The following CTNND2 variants were observed in gnomAD, a reference collection of about 807,000 sequenced individuals.
The protein encoded by CTNND2 is catenin delta 2.
CTNND2 carries 22 observed loss-of-function variants against 144.4 expected under a neutral mutation model. The ratio of observed to expected loss-of-function variants is 0.15; its 90% CI spans 0.11 to 0.22. CTNND2 has a LOEUF of 0.22. CTNND2 is among the 10% of genes least tolerant of loss of function. CTNND2 has a pLI of 1.00. For missense variants in CTNND2, 1,353 were observed against 1,618.8 expected (o/e 0.84, Z 2.82); for synonymous variants, 751 against 695.6 (o/e 1.08, Z -1.25).
At chr5:11,483,595 G>A (rs1021896087) in intron 3 of CTNND2, among the ~76,000 whole-genome samples, 4 of 152,168 alleles carry the variant, frequency 2.6e-5, no homozygotes, top group Admixed American at 2.0e-4. Flanking sequence ...TACACTGGCC[G>A]CCAATCTCTT....
At position 11,310,815 on chromosome 5, in the gene CTNND2, C is replaced by A. The variant is rs192282129; in HGVS notation, c.1628+35557G>T. Among the ~76,000 whole-genome samples the A allele has an allele frequency of 1.2e-3, 176 of 150,184 alleles. 1 individual carries two copies. The highest frequency in any genetic ancestry group is 3.7e-3 in the African/African-American group (153 of 40,974). On this transcript the variant is annotated intron_variant, in intron 9 of 21. Coordinates refer to ENST00000304623, the MANE Select transcript of CTNND2 (RefSeq NM_001332.4). ...TCCCCATACACCCTCACCCCACATG[C>A]ACTCACAGTCCCATGTGCCCTTAAC...
chr5:11,663,784 CAAT>C (rs1302403933), intron 2 of CTNND2, among the ~76,000 whole-genome samples: 1 of 151,884 alleles, frequency 6.6e-6, no homozygotes, highest in Admixed American at 6.6e-5. Context: ...AAAATAAGTA[CAAT>C]AAGGTGTTTG....
intron 3 of CTNND2, among the ~76,000 whole-genome samples, chr5:11,413,590 C>T (rs1761707968): frequency 1.3e-5 from 2 of 152,170 alleles, no homozygotes; most frequent in African/African-American, 4.8e-5. Flanking sequence ...GTCAGAATCA[C>T]CTGTAGCATT....
intron 7 of CTNND2, among the ~76,000 whole-genome samples, chr5:11,375,530 T>G (rs1032623389): frequency 6.6e-6 from 1 of 152,218 alleles, no homozygotes; most frequent in Non-Finnish European, 1.5e-5. Flanking sequence ...AAAGCTTTAA[T>G]ATGTGTGTAT....
At chr5:11,463,702 A>G (rs1766424084) in intron 3 of CTNND2, among the ~76,000 whole-genome samples, 1 of 151,962 alleles carries the variant, frequency 6.6e-6, no homozygotes, top group South Asian at 2.1e-4. Flanking sequence ...AAAAAACTTT[A>G]AGGATTCTTT....
chr5:11,289,093 G>A (rs769216068), intron 9 of CTNND2, among the ~76,000 whole-genome samples: 3 of 152,084 alleles, frequency 2.0e-5, no homozygotes, highest in African/African-American at 2.4e-5. Context: ...CATCCCCCCC[G>A]CCTGTGCTCC....
At chr5:11,745,990 T>C (rs1788288144) in intron 1 of CTNND2, among the ~76,000 whole-genome samples, 2 of 152,204 alleles carry the variant, frequency 1.3e-5, no homozygotes, top group Admixed American at 1.3e-4. Context: ...AAAATGCTAG[T>C]GTCACCCACT....
At chr5:11,393,137 T>C (rs981946897) in intron 6 of CTNND2, among the ~76,000 whole-genome samples, 19 of 152,212 alleles carry the variant, frequency 1.2e-4, no homozygotes, top group Admixed American at 3.3e-4. Context: ...TTTTAAGACA[T>C]AGAAGTCAGC....
At chr5:11,729,267 C>T (rs1018277570) in intron 2 of CTNND2, among the ~76,000 whole-genome samples, 4 of 151,876 alleles carry the variant, frequency 2.6e-5, no homozygotes, top group African/African-American at 9.7e-5. Flanking sequence ...AAACTTTTCA[C>T]AGTGATATAG....
At chr5:11,592,162 GCCTGCCTT>G (rs963367997) in intron 2 of CTNND2, among the ~76,000 whole-genome samples, 4 of 117,448 alleles carry the variant, frequency 3.4e-5, no homozygotes, top group African/African-American at 1.2e-4. Context: ...CTTCCTGCCT[GCCTGCCTT>G]CCTGCCTGCC....
intron 2 of CTNND2, among the ~76,000 whole-genome samples, chr5:11,672,387 C>A (rs115753274): frequency 1.3e-5 from 2 of 152,306 alleles, no homozygotes; most frequent in Admixed American, 1.3e-4. Flanking sequence ...CCTGTAGCCA[C>A]CCCTTCCCCC....
At chr5:11,101,199 T>C (rs1039859759) in intron 14 of CTNND2, among the ~76,000 whole-genome samples, 21 of 152,232 alleles carry the variant, frequency 1.4e-4, no homozygotes, top group Admixed American at 3.9e-4. Flanking sequence ...GGGTACTTTA[T>C]TCAAACTTTT....
At chr5:11,395,121 A>G (rs1759969392) in intron 6 of CTNND2, among the ~76,000 whole-genome samples, 1 of 152,214 alleles carries the variant, frequency 6.6e-6, no homozygotes, top group Non-Finnish European at 1.5e-5. Context: ...GATCTGAACA[A>G]TAGTGTCATT....
chr5:11,760,083 C>T (rs952171950), intron 1 of CTNND2, among the ~76,000 whole-genome samples: 61 of 151,626 alleles, frequency 4.0e-4, no homozygotes, highest in Non-Finnish European at 7.7e-4. Flanking sequence ...CTATTTATCC[C>T]TCCTTCCTAC....
intron 3 of CTNND2, among the ~76,000 whole-genome samples, chr5:11,423,073 G>A (rs1205082646): frequency 1.3e-5 from 2 of 152,200 alleles, no homozygotes; most frequent in African/African-American, 4.8e-5. Flanking sequence ...ATCTTTGCCA[G>A]TGGGCATTCC....
At chr5:11,644,581 G>A (rs535298190) in intron 2 of CTNND2, among the ~76,000 whole-genome samples, 1 of 151,996 alleles carries the variant, frequency 6.6e-6, no homozygotes, top group East Asian at 1.9e-4. Context: ...GGCTGAGGCA[G>A]GAGAATGGTG....
chr5:11,170,034 T>C (rs1253212426), intron 11 of CTNND2, among the ~76,000 whole-genome samples: 1 of 152,216 alleles, frequency 6.6e-6, no homozygotes, highest in Non-Finnish European at 1.5e-5. Context: ...ATCACCTGCA[T>C]GTATTAACTT....
chr5:11,382,595 CTGTGTGTGTGTGTGTGTGTGTG>C (rs71582432), intron 7 of CTNND2, among the ~76,000 whole-genome samples: 23 of 130,144 alleles, frequency 1.8e-4, no homozygotes, highest in South Asian at 5.1e-4. Context: ...GAGTGAGACT[CTGTGTGTGTGTGTGTGTGTGTG>C]TGTGTGTGTG....
intron 9 of CTNND2, among the ~76,000 whole-genome samples, chr5:11,282,009 T>G (rs923892932): frequency 2.0e-5 from 3 of 152,162 alleles, no homozygotes; most frequent in African/African-American, 4.8e-5. Flanking sequence ...AAATCTAATT[T>G]GGGCAGGGCT....
Sources: allele counts gnomAD v4.1 joint callset (sites outside exome capture counted in the v4.1 genomes callset), GRCh38; gene constraint gnomAD v4.1.1; transcripts MANE v1.5; gene names NCBI Gene and HGNC (gene_info 2026-07-23, HGNC 2026-07-21).